DISP1: variants seen among roughly 807,000 people sequenced by gnomAD.
DISP1 encodes the protein dispatched RND transporter family member 1, also known as protein dispatched homolog 1.
A neutral mutation model predicts 37.3 loss-of-function variants in DISP1; 30 were observed. The ratio of observed to expected loss-of-function variants is 0.80; its 90% CI spans 0.60 to 1.09. DISP1 has a LOEUF of 1.09. Among genes scored for constraint, DISP1 ranks in the 50% least tolerant of loss-of-function variants. DISP1 has a pLI of 0.00. For missense variants in DISP1, 1,598 were observed against 1,879.5 expected (o/e 0.85, Z 2.77); for synonymous variants, 634 against 690.2 (o/e 0.92, Z 1.28).
intron 1 of DISP1, among the ~76,000 whole-genome samples, chr1:222,890,522 C>G (rs1670881117): frequency 6.6e-6 from 1 of 152,058 alleles, no homozygotes; most frequent in Non-Finnish European, 1.5e-5. Context: ...TTTATGAGAG[C>G]TGATAAATGA....
At chr1:222,859,838 C>G (rs978922457) in intron 1 of DISP1, among the ~76,000 whole-genome samples, 8 of 152,154 alleles carry the variant, frequency 5.3e-5, no homozygotes, top group Admixed American at 1.3e-4. Flanking sequence ...ACTGTAAATT[C>G]TGGAATGTTG....
At chr1:222,894,296 C>T (rs927880763) in intron 1 of DISP1, among the ~76,000 whole-genome samples, 1 of 152,134 alleles carries the variant, frequency 6.6e-6, no homozygotes, top group African/African-American at 2.4e-5. Context: ...CTCCTGACAC[C>T]GTAAGTCACT....
rs147830086 is a variant in DISP1, at chr1:223,004,763, C to T, written c.3366C>T (p.Phe1122=). The T allele has an allele frequency of 4.1e-5, 66 of 1,613,496 alleles. No individual in the cohort carries two copies. Among genetic ancestry groups the T allele is most frequent in the African/African-American group, 1.9e-4 (14 of 75,038 alleles). Residue 1122 remains phenylalanine (F), a synonymous_variant, in exon 9 of 9, where the codon TTC becomes TTT. Coordinates refer to ENST00000675850, the MANE Select transcript of DISP1 (RefSeq NM_001377229.1). This position sits in a 1 kb window ranked among gnomAD's most constrained non-coding sequence, Gnocchi z 4.9. ...MMLIMCISWA[F]ATFFFQCMCR... is the part of the protein sequence containing the mutation. The stretch of plus-strand genomic sequence containing the variant: ...TCATCATGTGTATCAGTTGGGCTTT[C>T]GCCACCTTCTTTTTCCAGTGCATGT...
At chr1:222,897,575 G>A (rs2789977) in intron 1 of DISP1, among the ~76,000 whole-genome samples, 123,793 of 152,110 alleles carry the variant, frequency 0.81, 50,566 homozygotes, top group African/African-American at 0.9. Flanking sequence ...AGCCTTTGTC[G>A]GCTAAATTTA....
intron 1 of DISP1, among the ~76,000 whole-genome samples, chr1:222,819,515 T>TAAAC (rs1553312234): frequency 3.6e-5 from 5 of 139,254 alleles, no homozygotes; most frequent in Non-Finnish European, 7.6e-5. Context: ...GTTATATACA[T>TAAAC]ACACACACAC....
At chr1:222,867,905 A>C (rs1669288280) in intron 1 of DISP1, among the ~76,000 whole-genome samples, 2 of 152,158 alleles carry the variant, frequency 1.3e-5, no homozygotes, top group African/African-American at 4.8e-5. Flanking sequence ...TGCTTAGGCC[A>C]GTTGGTTGTT....
At chr1:223,000,839 T>C (rs1325524468) in intron 8 of DISP1, among the ~76,000 whole-genome samples, 1 of 152,160 alleles carries the variant, frequency 6.6e-6, no homozygotes, top group Non-Finnish European at 1.5e-5. Context: ...CAATACATGA[T>C]TGATAAAGCC....
intron 3 of DISP1, among the ~76,000 whole-genome samples, chr1:222,963,938 C>G (rs186390012): frequency 3.3e-5 from 5 of 152,062 alleles, no homozygotes; most frequent in Middle Eastern, 3.4e-3. Flanking sequence ...TAGAAGAATT[C>G]TTAGAATCTC....
intron 1 of DISP1, among the ~76,000 whole-genome samples, chr1:222,865,221 A>G (rs1185254068): frequency 2.0e-5 from 3 of 152,080 alleles, no homozygotes; most frequent in Admixed American, 6.5e-5. Context: ...TATCATATGC[A>G]TTATAACTTA....
intron 1 of DISP1, among the ~76,000 whole-genome samples, chr1:222,866,294 T>C (rs1572376505): frequency 6.6e-6 from 1 of 152,026 alleles, no homozygotes; most frequent in East Asian, 1.9e-4. Context: ...CTCAGATATA[T>C]GATCAGTACA....
intron 3 of DISP1, among the ~76,000 whole-genome samples, chr1:222,973,995 G>C (rs981373706): frequency 6.6e-6 from 1 of 152,114 alleles, no homozygotes; most frequent in African/African-American, 2.4e-5. Context: ...ATTCTAATTA[G>C]GCTTGTGGGT....
intron 8 of DISP1, among the ~76,000 whole-genome samples, chr1:222,997,491 T>G (rs969481695): frequency 2.0e-5 from 3 of 152,260 alleles, no homozygotes; most frequent in Middle Eastern, 3.4e-3. Flanking sequence ...GATACAATAT[T>G]AAAGTTCAGC....
At chr1:222,902,287 G>A (rs1054244926) in intron 1 of DISP1, among the ~76,000 whole-genome samples, 2 of 151,898 alleles carry the variant, frequency 1.3e-5, no homozygotes, top group Non-Finnish European at 2.9e-5. Context: ...TTCTCTTGTG[G>A]GCATTTAGTG....
chr1:222,835,074 G>C (rs1048449298), intron 1 of DISP1: 1 of 152,098 alleles, frequency 6.6e-6, no homozygotes, highest in Non-Finnish European at 1.5e-5. Context: ...GTGGGTTTCA[G>C]CGTTTGTTTT....
chr1:222,994,872 T>G lies in DISP1; in HGVS notation c.890-13T>G. On this transcript the variant is annotated splice_polypyrimidine_tract_variant and intron_variant, in intron 7 of 8. Coordinates refer to ENST00000675850, the MANE Select transcript of DISP1 (RefSeq NM_001377229.1). ...TAAACCTTTTTCTTTCCTTTTTTTT[T>G]TCATATCACCAGGTGACCGATATTC... 1.9e-6 allele frequency: 3 copies of G among 1,582,170 alleles called. No individual in the cohort carries two copies. Among genetic ancestry groups the G allele is most frequent in the South Asian group, 2.2e-5 (2 of 90,264 alleles).
intron 1 of DISP1, among the ~76,000 whole-genome samples, chr1:222,847,852 G>C (rs1448654370): frequency 2.0e-5 from 3 of 152,082 alleles, no homozygotes; most frequent in Non-Finnish European, 4.4e-5. Context: ...GAGCCATGTA[G>C]AATTTTAAAC....
At chr1:222,980,955 G>A (rs1202212051) in intron 3 of DISP1, among the ~76,000 whole-genome samples, 4 of 152,198 alleles carry the variant, frequency 2.6e-5, no homozygotes, top group Admixed American at 2.0e-4. Context: ...GCATGCGCCT[G>A]TAGTCCCAAC....
At chr1:222,842,651 C>T (rs545749907) in intron 1 of DISP1, among the ~76,000 whole-genome samples, 1 of 152,006 alleles carries the variant, frequency 6.6e-6, no homozygotes, top group Admixed American at 6.6e-5. Context: ...AAATACTGCC[C>T]CTCCCAACAT....
At chr1:222,901,499 T>C (rs112759941) in intron 1 of DISP1, among the ~76,000 whole-genome samples, 355 of 149,630 alleles carry the variant, frequency 2.4e-3, no homozygotes, top group African/African-American at 8.5e-3. Flanking sequence ...TTATAGATTT[T>C]TGTTTGTTTG....
Sources: allele counts gnomAD v4.1 joint callset (sites outside exome capture counted in the v4.1 genomes callset), GRCh38; gene constraint gnomAD v4.1.1; non-coding constraint Gnocchi (gnomAD v3.1); transcripts MANE v1.5; gene names NCBI Gene and HGNC (gene_info 2026-07-23, HGNC 2026-07-21).